SDK1: variants seen among roughly 807,000 people sequenced by gnomAD.
The protein encoded by SDK1 is protein sidekick-1.
In SDK1, 157 loss-of-function variants were observed where a neutral mutation model predicts 245.5. That is an observed-to-expected ratio of 0.64 (90% CI 0.56 to 0.73). The LOEUF is 0.73. Among genes scored for constraint, SDK1 ranks in the 30% least tolerant of loss-of-function variants. The pLI is 0.00. For synonymous variants in SDK1, 1,647 were observed against 1,278.5 expected (o/e 1.29, Z -6.15); for missense variants, 3,583 against 3,002.3 (o/e 1.19, Z -4.52).
chr7:3,716,782 A>C (rs530540921), intron 4 of SDK1, among the ~76,000 whole-genome samples: 53 of 151,560 alleles, frequency 3.5e-4, no homozygotes, highest in African/African-American at 1.2e-3. Context: ...AAAAAAAAAA[A>C]AGAAAAAGGA....
At chr7:3,477,974 C>T (rs896421289) in intron 1 of SDK1, among the ~76,000 whole-genome samples, 1 of 151,922 alleles carries the variant, frequency 6.6e-6, no homozygotes, top group Non-Finnish European at 1.5e-5. Flanking sequence ...TACTTTTTTT[C>T]CTAAACAGTT....
Position 4,011,120 on chromosome 7 carries a change from G to C in SDK1, c.2279+7G>C. ...ACAGCGCCGAGACAAGCAGGTGCGT[G>C]AATCCCGCCCCAGGTGGGGGTGTGG... On this transcript the variant is annotated splice_region_variant and intron_variant, in intron 15 of 44. Coordinates refer to ENST00000404826, the MANE Select transcript of SDK1 (RefSeq NM_152744.4). 1 of 1,613,026 alleles carries C rather than the reference G, an allele frequency of 6.2e-7. No individual in the cohort carries two copies. Among genetic ancestry groups the C allele is most frequent in the African/African-American group, 1.3e-5 (1 of 75,050 alleles).
At chr7:4,091,342 T>C (rs200627123) in intron 22 of SDK1, among the ~76,000 whole-genome samples, 3 of 141,798 alleles carry the variant, frequency 2.1e-5, no homozygotes, top group East Asian at 2.0e-4. Context: ...TTCTTTTTTT[T>C]TTTTTTTTTT....
intron 1 of SDK1, among the ~76,000 whole-genome samples, chr7:3,473,203 A>G (rs1436539686): frequency 6.6e-6 from 1 of 152,202 alleles, no homozygotes; most frequent in Non-Finnish European, 1.5e-5. Flanking sequence ...TTACAAGAGT[A>G]AATGGAGCAG....
At chr7:3,530,492 G>C (rs1783305216) in intron 1 of SDK1, among the ~76,000 whole-genome samples, 1 of 151,974 alleles carries the variant, frequency 6.6e-6, no homozygotes, top group Admixed American at 6.6e-5. Flanking sequence ...ACTGATAATG[G>C]GTTCTCAAAA....
intron 8 of SDK1, 73 bp from the exon 9 acceptor site, chr7:3,962,584 T>C (rs984401170): frequency 5.1e-5 from 67 of 1,306,278 alleles, no homozygotes; most frequent in Non-Finnish European, 6.7e-5. Context: ...ATTCTAGCCT[T>C]TGAAACAGAT....
intron 1 of SDK1, among the ~76,000 whole-genome samples, chr7:3,311,983 G>A (rs1056920966): frequency 5.3e-5 from 8 of 152,134 alleles, no homozygotes; most frequent in Admixed American, 4.6e-4. Context: ...GTGGAGTAAA[G>A]GTTCTCTAGC....
intron 5 of SDK1, among the ~76,000 whole-genome samples, chr7:3,881,119 C>T (rs1370969844): frequency 2.0e-5 from 3 of 151,674 alleles, no homozygotes; most frequent in East Asian, 1.9e-4. Context: ...TTTTAAGTTC[C>T]GGAGTGCTTG....
intron 22 of SDK1, among the ~76,000 whole-genome samples, chr7:4,096,880 T>A (rs1312623141): frequency 6.6e-6 from 1 of 152,044 alleles, no homozygotes; most frequent in Non-Finnish European, 1.5e-5. Flanking sequence ...GTCTGCGAAG[T>A]CCCCAGTGAC....
At chr7:3,453,264 G>A (rs1017356063) in intron 1 of SDK1, among the ~76,000 whole-genome samples, 2 of 152,158 alleles carry the variant, frequency 1.3e-5, no homozygotes, top group African/African-American at 2.4e-5. Flanking sequence ...AACTTGGCTG[G>A]GCATGAGGAA....
chr7:4,208,296 G>A lies in SDK1; in HGVS notation c.5401+11G>A. The A allele has an allele frequency of 3.1e-6, 5 of 1,611,140 alleles. No homozygotes were observed. The highest frequency in any genetic ancestry group is 4.2e-6 in the Non-Finnish European group (5 of 1,179,116). On this transcript the variant is annotated intron_variant, in intron 37 of 44. Transcript: ENST00000404826. ...GCACCCACCAGGCCGGTAGGAGGAA[G>A]GCGGGTTTCCTTTGGGCAGGCCTCC... is the stretch of plus-strand genomic sequence containing the variant.
intron 4 of SDK1, among the ~76,000 whole-genome samples, chr7:3,816,416 C>A (rs1056597142): frequency 5.4e-5 from 8 of 148,228 alleles, no homozygotes; most frequent in Admixed American, 2.7e-4. Context: ...AAGGGGATAT[C>A]ACCACCGATC....
intron 22 of SDK1, among the ~76,000 whole-genome samples, chr7:4,099,835 T>A (rs1459883168): frequency 6.6e-6 from 1 of 151,474 alleles, no homozygotes; most frequent in Non-Finnish European, 1.5e-5. Flanking sequence ...CTGGCTTGTT[T>A]TTATCTAAAA....
chr7:3,391,091 A>G (rs1276705579), intron 1 of SDK1, among the ~76,000 whole-genome samples: 4 of 152,164 alleles, frequency 2.6e-5, no homozygotes, highest in African/African-American at 7.2e-5. Context: ...TCACATTTAG[A>G]ATAGAATATA....
At chr7:3,988,138 T>TG (rs983298283) in intron 14 of SDK1, among the ~76,000 whole-genome samples, 2 of 143,870 alleles carry the variant, frequency 1.4e-5, no homozygotes, top group Admixed American at 6.8e-5. Flanking sequence ...TAATGTTTTT[T>TG]TTTTTTTTTT....
chr7:3,668,944 C>T (rs995326853), intron 4 of SDK1, among the ~76,000 whole-genome samples: 3 of 152,212 alleles, frequency 2.0e-5, no homozygotes, highest in African/African-American at 7.2e-5. Context: ...TGTGTGACGT[C>T]ATGGGAGGCT....
intron 37 of SDK1, among the ~76,000 whole-genome samples, chr7:4,208,961 G>C (rs1465345782): frequency 6.6e-6 from 1 of 152,210 alleles, no homozygotes. Flanking sequence ...CCCTCTGTAG[G>C]ATTCTGGAAG....
intron 1 of SDK1, among the ~76,000 whole-genome samples, chr7:3,354,308 A>C (rs1482293672): frequency 1.3e-5 from 2 of 151,908 alleles, no homozygotes; most frequent in African/African-American, 4.8e-5. Flanking sequence ...TTTAACCAGC[A>C]TTCAGATTAT....
rs868801754 is a variant in SDK1, at chr7:3,350,483, C to T, written c.298+48599C>T. On this transcript the variant is annotated intron_variant, in intron 1 of 44. Transcript: ENST00000404826. ...ACAGATTACATTGCCCAGAAGAGTT[C>T]AGTATTCAGTCTTCTTGGTGGTTAT... Among the ~76,000 whole-genome samples the T allele has an allele frequency of 4.6e-5, 7 of 152,116 alleles. No homozygotes were observed. In the South Asian group the frequency reaches 1.5e-3, roughly 32 times the overall value.
Sources: allele counts gnomAD v4.1 joint callset (sites outside exome capture counted in the v4.1 genomes callset), GRCh38; gene constraint gnomAD v4.1.1; transcripts MANE v1.5; gene names NCBI Gene and HGNC (gene_info 2026-07-23, HGNC 2026-07-21).